Variants in STIM2 observed in about 807,000 individuals in gnomAD.
The protein encoded by STIM2 is stromal interaction molecule 2.
STIM2 carries 31 observed loss-of-function variants against 85.8 expected under a neutral mutation model. The ratio of observed to expected loss-of-function variants is 0.36; its 90% CI spans 0.27 to 0.49. The LOEUF (loss-of-function observed/expected upper bound fraction) is 0.49. STIM2 is among the 20% of genes least tolerant of loss of function. The pLI, the probability that STIM2 is intolerant of heterozygous loss-of-function variation, is 0.98. For synonymous variants in STIM2, 356 were observed against 331.1 expected, an observed-to-expected ratio of 1.08 and a Z score of -0.82; for missense variants, 841 against 927.6, an observed-to-expected ratio of 0.91 and a Z score of 1.21.
intron 1 of STIM2, among the ~76,000 whole-genome samples, chr4:26,883,926 C>G (rs1723113579): frequency 6.6e-6 from 1 of 152,132 alleles, no homozygotes; most frequent in African/African-American, 2.4e-5. Context: ...CAGCATTTAT[C>G]TTAGTCTTTG....
intron 4 of STIM2, among the ~76,000 whole-genome samples, chr4:26,996,270 T>A (rs1038057771): frequency 1.5e-4 from 23 of 150,616 alleles, no homozygotes; most frequent in Non-Finnish European, 2.4e-4. Flanking sequence ...TTAATTAACT[T>A]AATAATCTTG....
At position 27,008,984 on chromosome 4, in the gene STIM2, A is replaced by G. The variant is rs182507259; in HGVS notation, c.1471A>G (p.Ile491Val). Residue 491 changes from isoleucine to valine, a missense_variant, in exon 10 of 12, where the codon ATA (isoleucine) becomes GTA (valine). Ile to Val is a conservative substitution (Grantham distance 29). This residue lies in a region of STIM2 where 408 missense variants were observed against 525.4 expected (regional missense o/e 0.78). Coordinates refer to ENST00000467087, the MANE Select transcript of STIM2 (RefSeq NM_020860.4). The stretch of plus-strand genomic sequence containing the variant: ...TGACTTAGATGAAGACACACCCCCA[A>G]TAGTGTCACAATTTCCCGGTAAGTG... 2.9e-5 allele frequency: 46 copies of G among 1,611,952 alleles called. No homozygotes were observed. The highest frequency in any genetic ancestry group is 1.7e-4 in the Admixed American group (10 of 59,684).
At chr4:26,903,129 G>GT (rs1723986763) in intron 1 of STIM2, among the ~76,000 whole-genome samples, 1 of 151,770 alleles carries the variant, frequency 6.6e-6, no homozygotes, top group African/African-American at 2.4e-5. Flanking sequence ...TTGTAAAAAA[G>GT]TTTTTTTTGG....
chr4:26,958,556 A>G (rs1726332732), intron 3 of STIM2, among the ~76,000 whole-genome samples: 1 of 152,180 alleles, frequency 6.6e-6, no homozygotes, highest in African/African-American at 2.4e-5. Context: ...TGTCCCACCA[A>G]TGCTCAGTAT....
Position 26,992,682 on chromosome 4 carries a change from C to CCTGAAG in STIM2, c.398-2696_398-2691dup, listed in dbSNP as rs545390417. Among the ~76,000 whole-genome samples, 26 of 151,938 alleles carry CCTGAAG rather than the reference C, an allele frequency of 1.7e-4. No individual in the cohort carries two copies. The East Asian group carries it at 5.0e-3, about 29-fold the overall frequency. The stretch of plus-strand genomic sequence containing the variant: ...CTCAGCAAACAGCACGTACAGAGGC[C>CCTGAAG]CTGAAGAAGGACATAGTATGATCTG... On this transcript the variant is annotated intron_variant, in intron 3 of 11. Coordinates refer to ENST00000467087, the MANE Select transcript of STIM2 (RefSeq NM_020860.4).
At chr4:26,933,733 C>CAA (rs771503772) in intron 2 of STIM2, among the ~76,000 whole-genome samples, 1,411 of 45,634 alleles carry the variant, frequency 0.031, 66 homozygotes, top group African/African-American at 0.077. Context: ...GACCTGATCT[C>CAA]AAAAAAAAAA....
chr4:26,986,790 A>T (rs1477826966), intron 3 of STIM2, among the ~76,000 whole-genome samples: 1 of 152,240 alleles, frequency 6.6e-6, no homozygotes, highest in Non-Finnish European at 1.5e-5. Context: ...CAATTATGGG[A>T]TAGCAAATTG....
At chr4:26,893,208 C>G (rs1723560101) in intron 1 of STIM2, among the ~76,000 whole-genome samples, 1 of 152,142 alleles carries the variant, frequency 6.6e-6, no homozygotes, top group African/African-American at 2.4e-5. Flanking sequence ...ATTAAACCAC[C>G]TTCAGGTCAT....
intron 2 of STIM2, among the ~76,000 whole-genome samples, chr4:26,940,247 C>T (rs1452076506): frequency 1.3e-5 from 2 of 152,160 alleles, no homozygotes. Context: ...TGCCTTTCCT[C>T]CACCATAAGT....
intron 1 of STIM2, among the ~76,000 whole-genome samples, chr4:26,867,544 C>T (rs187771187): frequency 2.9e-4 from 44 of 152,238 alleles, no homozygotes; most frequent in African/African-American, 1.0e-3. Flanking sequence ...CCAGATTAAA[C>T]TAAAGTTATA....
chr4:26,948,179 G>A (rs1340262045), intron 2 of STIM2, among the ~76,000 whole-genome samples: 1 of 152,098 alleles, frequency 6.6e-6, no homozygotes, highest in Non-Finnish European at 1.5e-5. Flanking sequence ...TTATTCTCAG[G>A]TTCATTCTCC....
intron 2 of STIM2, among the ~76,000 whole-genome samples, chr4:26,922,996 G>C (rs1371777599): frequency 1.3e-5 from 2 of 151,950 alleles, no homozygotes; most frequent in Non-Finnish European, 2.9e-5. Flanking sequence ...TTTGAAGAGA[G>C]CAGTGGTTCT....
At chr4:27,018,979 G>T (rs1396607355) in intron 11 of STIM2, among the ~76,000 whole-genome samples, 2 of 152,192 alleles carry the variant, frequency 1.3e-5, no homozygotes, top group African/African-American at 4.8e-5. Flanking sequence ...AACAAAATGG[G>T]CATAGCAGCA....
At chr4:26,938,218 T>C (rs773328629) in intron 2 of STIM2, among the ~76,000 whole-genome samples, 1 of 151,928 alleles carries the variant, frequency 6.6e-6, no homozygotes, top group Admixed American at 6.6e-5. Flanking sequence ...CCCAGCTTTA[T>C]TGAGGTATAT....
At chr4:26,897,491 G>GT (rs1322866763) in intron 1 of STIM2, among the ~76,000 whole-genome samples, 2 of 152,020 alleles carry the variant, frequency 1.3e-5, no homozygotes, top group Non-Finnish European at 2.9e-5. Context: ...ACATTTTCAG[G>GT]TAAATACAAA....
intron 10 of STIM2, among the ~76,000 whole-genome samples, chr4:27,015,596 C>T (rs192759281): frequency 6.6e-6 from 1 of 152,092 alleles, no homozygotes; most frequent in East Asian, 1.9e-4. Context: ...TCCAGATTAA[C>T]AATTAGTTTT....
At chr4:26,920,347 G>A (rs917515739) in intron 2 of STIM2, among the ~76,000 whole-genome samples, 1 of 152,164 alleles carries the variant, frequency 6.6e-6, no homozygotes, top group Non-Finnish European at 1.5e-5. Context: ...ATTCCTTGGA[G>A]ACCACCAGCA....
At chr4:26,965,254 T>A (rs931633484) in intron 3 of STIM2, among the ~76,000 whole-genome samples, 1 of 152,090 alleles carries the variant, frequency 6.6e-6, no homozygotes, top group Non-Finnish European at 1.5e-5. Flanking sequence ...TCTTTAATAG[T>A]CCGGGTTTCT....
intron 3 of STIM2, among the ~76,000 whole-genome samples, chr4:26,974,183 T>C (rs1017734124): frequency 1.3e-5 from 2 of 152,194 alleles, no homozygotes; most frequent in African/African-American, 4.8e-5. Flanking sequence ...CTTGACTCTT[T>C]ATCCAATTTG....
Sources: gnomAD v4.1 joint callset for allele counts (sites outside exome capture counted in the v4.1 genomes callset) on GRCh38, gnomAD v4.1.1 for gene constraint, gnomAD v4.1.1 regional missense constraint, MANE v1.5 for transcripts, NCBI Gene and HGNC (gene_info 2026-07-23, HGNC 2026-07-21) for gene names.